AP4E1: variants seen among roughly 807,000 people sequenced by gnomAD.
AP4E1 encodes adaptor related protein complex 4 subunit epsilon 1, also known as AP-4 complex subunit epsilon-1.
In AP4E1, 56 loss-of-function variants were observed where a neutral mutation model predicts 128.2. That is an observed-to-expected ratio of 0.44 (90% CI 0.35 to 0.55). The LOEUF is 0.55. Among genes scored for constraint, AP4E1 ranks in the 20% least tolerant of loss-of-function variants. AP4E1 has a pLI of 0.00. For synonymous variants in AP4E1, 484 were observed against 473.1 expected (o/e 1.02, Z -0.30); for missense variants, 1,324 against 1,307.7 (o/e 1.01, Z -0.19).
Position 50,941,576 on chromosome 15 carries a change from G to A in AP4E1, c.1066+12G>A. ...TCTAAAATATTTAGGTAAGATGATT[G>A]GTTCTTTTGACAGAAATTACAGAGA... is the stretch of plus-strand genomic sequence containing the variant. On this transcript the variant is annotated intron_variant, in intron 9 of 20. Coordinates refer to ENST00000261842, the MANE Select transcript of AP4E1 (RefSeq NM_007347.5). 6.2e-7 allele frequency: 1 copy of A among 1,612,656 alleles called. No individual in the cohort carries two copies. Among genetic ancestry groups the A allele is most frequent in the Non-Finnish European group, 8.5e-7 (1 of 1,179,406 alleles).
intron 11 of AP4E1, among the ~76,000 whole-genome samples, chr15:50,949,305 C>T (rs995306358): frequency 2.7e-5 from 4 of 149,140 alleles, no homozygotes; most frequent in Admixed American, 1.3e-4. Flanking sequence ...CCCAGATACT[C>T]GGGAGGCTGA....
chr15:50,924,698 T>C (rs923517621), intron 4 of AP4E1, among the ~76,000 whole-genome samples: 2 of 152,232 alleles, frequency 1.3e-5, no homozygotes, highest in Non-Finnish European at 2.9e-5. Flanking sequence ...TAAGTACATA[T>C]GAATGTGTGC....
At chr15:50,950,385 C>T (rs1009687376) in intron 13 of AP4E1, among the ~76,000 whole-genome samples, 2 of 152,062 alleles carry the variant, frequency 1.3e-5, no homozygotes, top group Non-Finnish European at 2.9e-5. Context: ...TTACTTGTCT[C>T]TTTGTGTTTA....
At chr15:50,965,543 GT>G (rs2064380545) in intron 14 of AP4E1, among the ~76,000 whole-genome samples, 1 of 152,176 alleles carries the variant, frequency 6.6e-6, no homozygotes, top group Non-Finnish European at 1.5e-5. Flanking sequence ...TAGCTTACTG[GT>G]TTATTATAAA....
intron 10 of AP4E1, chr15:50,944,659 A>T: frequency 2.6e-6 from 1 of 388,302 alleles, no homozygotes. Context: ...AGAGCAACCA[A>T]GATGAGGATG....
intron 13 of AP4E1, among the ~76,000 whole-genome samples, chr15:50,956,593 G>C: frequency 6.6e-6 from 1 of 152,144 alleles, no homozygotes; most frequent in East Asian, 1.9e-4. Context: ...AGGGTGGCAG[G>C]AGAGAGAATG....
chr15:50,915,368 CT>C, intron 2 of AP4E1, 79 bp from the exon 3 acceptor site: 1 of 1,442,728 alleles, frequency 6.9e-7, no homozygotes, highest in Non-Finnish European at 9.7e-7. Flanking sequence ...AAGGATTCTC[CT>C]TTTAAATTAT....
At chr15:50,975,204 G>A (rs886760071) in intron 15 of AP4E1, among the ~76,000 whole-genome samples, 31 of 152,144 alleles carry the variant, frequency 2.0e-4, no homozygotes, top group Admixed American at 1.8e-3. Context: ...TCGGGAGTTC[G>A]AGACCAGCCA....
At chr15:50,967,080 AT>A (rs2064404475) in intron 14 of AP4E1, among the ~76,000 whole-genome samples, 1 of 151,972 alleles carries the variant, frequency 6.6e-6, no homozygotes, top group African/African-American at 2.4e-5. Context: ...TCATTTATTC[AT>A]TAAAAATTAT....
Position 50,915,547 on chromosome 15 carries a change from G to A in AP4E1, c.322G>A (p.Gly108Arg), listed in dbSNP as rs138815652. 1 of 1,613,448 alleles carries A rather than the reference G, an allele frequency of 6.2e-7. No individual in the cohort carries two copies. Residue 108 changes from glycine to arginine, a missense_variant, in exon 3 of 21, where the codon GGA (glycine) becomes AGA (arginine). Transcript: ENST00000261842. Reference protein sequence around the residue: ...YIHAIKLAQQGNLLEKRVGYL... With the variant: ...YIHAIKLAQQRNLLEKRVGYL... ...TCATGCAATCAAGTTAGCCCAACAAGGAAACCTCTTAGAAAAAAGAGTAGG... is the reference window on the plus strand; with the variant it reads ...TCATGCAATCAAGTTAGCCCAACAAAGAAACCTCTTAGAAAAAAGAGTAGG...
chr15:50,973,793 C>T (rs2064515915), intron 15 of AP4E1, among the ~76,000 whole-genome samples: 1 of 152,178 alleles, frequency 6.6e-6, no homozygotes, highest in Non-Finnish European at 1.5e-5. Context: ...ATGTATATGA[C>T]ATCATCTTTA....
chr15:50,909,237 A>G (rs2063534597), intron 1 of AP4E1, among the ~76,000 whole-genome samples: 2 of 152,340 alleles, frequency 1.3e-5, no homozygotes, highest in Admixed American at 6.5e-5. Flanking sequence ...TACATAATTC[A>G]TAGGTTTTTT....
intron 5 of AP4E1, 83 bp from the exon 6 acceptor site, chr15:50,928,926 T>C (rs562736926): frequency 7.4e-7 from 1 of 1,356,488 alleles, no homozygotes; most frequent in African/African-American, 1.4e-5. Flanking sequence ...GCCAGTATTT[T>C]GAAATCATCT....
chr15:50,995,982 T>C (rs1461934424), intron 17 of AP4E1, among the ~76,000 whole-genome samples: 2 of 76,526 alleles, frequency 2.6e-5, no homozygotes, highest in Non-Finnish European at 5.2e-5. Flanking sequence ...ATATACATCT[T>C]TTTTTTTTTT....
rs34400855 is a variant in AP4E1, at chr15:50,995,399, C to CTT, written c.2346+1789_2346+1790dup. ...TTTCACCCTTGGCTTATTTCACCTT[C>CTT]TTTTTTTTTTTTTTTTGAAACAGAG... is the stretch of plus-strand genomic sequence containing the variant. On this transcript the variant is annotated intron_variant, in intron 17 of 20. Coordinates refer to ENST00000261842, the MANE Select transcript of AP4E1 (RefSeq NM_007347.5). Among the ~76,000 whole-genome samples, 575 of 136,730 alleles carry CTT rather than the reference C, an allele frequency of 4.2e-3. 10 individuals are homozygous for CTT. The highest frequency in any genetic ancestry group is 0.023 in the East Asian group (112 of 4,790). The allele number at this position is 136,730 out of a possible 152,430, so 89.7% of individuals were successfully genotyped here.
intron 7 of AP4E1, among the ~76,000 whole-genome samples, chr15:50,931,438 C>T (rs762376138): frequency 1.6e-4 from 24 of 152,142 alleles, no homozygotes; most frequent in South Asian, 8.3e-4. Context: ...CAGTGGCGCG[C>T]GCCTGTAATC....
chr15:50,983,643 T>C (rs2140914027), intron 15 of AP4E1, among the ~76,000 whole-genome samples: 1 of 152,348 alleles, frequency 6.6e-6, no homozygotes, highest in East Asian at 1.9e-4. Flanking sequence ...AGGAGCAGTT[T>C]GTTCAGCAAA....
In AP4E1 at chr15:50,958,499, G is replaced by A. The variant is rs1555458459; in HGVS notation, c.1556G>A (p.Gly519Glu). 2 of 1,610,450 alleles carry A rather than the reference G, an allele frequency of 1.2e-6. No individual in the cohort carries two copies. Among genetic ancestry groups the A allele is most frequent in the Non-Finnish European group, 1.7e-6 (2 of 1,177,836 alleles). The change falls in exon 14 of 21, where the codon GGG (glycine) becomes GAG (glutamate). Residue 519 changes from glycine (G) to glutamate (E), a missense_variant. Gly to Glu is a moderately conservative substitution (Grantham distance 98, BLOSUM62 -2). Coordinates refer to ENST00000261842, the MANE Select transcript of AP4E1 (RefSeq NM_007347.5). ...TCTTTGTTTTATTTACAGGTATTAG[G>A]GGAATATTCCTACCTCTTAGATAAG... ...RFLQVMSWVL[G>E]EYSYLLDKET...
At chr15:50,909,240 G>A (rs931127988) in intron 1 of AP4E1, among the ~76,000 whole-genome samples, 22 of 152,356 alleles carry the variant, frequency 1.4e-4, no homozygotes, top group African/African-American at 5.3e-4. Flanking sequence ...ATAATTCATA[G>A]GTTTTTTGTT....
Sources: gnomAD v4.1 joint callset for allele counts (sites outside exome capture counted in the v4.1 genomes callset) on GRCh38, gnomAD v4.1.1 for gene constraint, MANE v1.5 for transcripts, NCBI Gene and HGNC (gene_info 2026-07-23, HGNC 2026-07-21) for gene names.